MIPOL1: variants seen among roughly 807,000 people sequenced by gnomAD.
MIPOL1 encodes mirror-image polydactyly gene 1 protein.
MIPOL1 carries 57 observed loss-of-function variants against 60.9 expected under a neutral mutation model. That is an observed-to-expected ratio of 0.94 (90% CI 0.76 to 1.17). The LOEUF (loss-of-function observed/expected upper bound fraction) is 1.17, where lower values mean the gene tolerates loss of function less well. MIPOL1 is among the 50% of genes most tolerant of loss of function. MIPOL1 has a pLI of 0.00. For missense variants in MIPOL1, 551 were observed against 511.6 expected, an observed-to-expected ratio of 1.08 and a Z score of -0.74; for synonymous variants, 179 against 168.8, an observed-to-expected ratio of 1.06 and a Z score of -0.47.
At position 37,308,570 on chromosome 14, in the gene MIPOL1, T is replaced by A. The variant is rs775280593; in HGVS notation, c.828+51T>A. 1.0e-5 allele frequency: 14 copies of A among 1,344,114 alleles called. No individual in the cohort carries two copies. The East Asian group carries it at 2.6e-4, about 25-fold the overall frequency. 83.3% of individuals were successfully genotyped at this position (1,344,114 alleles called of 1,614,324 possible). A position where few individuals can be genotyped will look rare whatever the true frequency, so the allele number is the denominator to read the frequency against. On this transcript the variant is annotated intron_variant, in intron 9 of 12. Coordinates refer to ENST00000684589, the MANE Select transcript of MIPOL1 (RefSeq NM_001388067.1). ...CATATACTTACCATTTTCCTCTCTA[T>A]TTTTTTAACCATTAAAAACTGACTT...
At chr14:37,416,566 A>G (rs767736878) in intron 10 of MIPOL1, among the ~76,000 whole-genome samples, 1 of 152,338 alleles carries the variant, frequency 6.6e-6, no homozygotes, top group Middle Eastern at 3.4e-3. Flanking sequence ...CAGTAAAAAT[A>G]TAGGTGTTGT....
At chr14:37,313,992 A>G (rs1317397670) in intron 9 of MIPOL1, among the ~76,000 whole-genome samples, 1 of 152,134 alleles carries the variant, frequency 6.6e-6, no homozygotes, top group African/African-American at 2.4e-5. Flanking sequence ...CAAATCAGTG[A>G]TCTTACATTT....
chr14:37,285,507 G>A (rs1594903751), intron 7 of MIPOL1, 60 bp downstream of exon 7: 4 of 1,532,180 alleles, frequency 2.6e-6, no homozygotes, highest in Non-Finnish European at 3.6e-6. Context: ...GCATGCTTTA[G>A]GTGGTAGTTA....
intron 9 of MIPOL1, among the ~76,000 whole-genome samples, chr14:37,369,059 A>G (rs891490615): frequency 9.2e-5 from 14 of 152,102 alleles, no homozygotes; most frequent in African/African-American, 3.4e-4. Flanking sequence ...AGATATTTCT[A>G]AAATCTAGAA....
intron 11 of MIPOL1, among the ~76,000 whole-genome samples, chr14:37,489,951 G>T (rs1168638275): frequency 1.3e-5 from 2 of 152,186 alleles, no homozygotes; most frequent in African/African-American, 4.8e-5. Flanking sequence ...TGAGGAGGCA[G>T]TCTGACCCTT....
At chr14:37,267,428 C>T (rs1020970716) in intron 4 of MIPOL1, among the ~76,000 whole-genome samples, 2 of 151,658 alleles carry the variant, frequency 1.3e-5, no homozygotes, top group Admixed American at 6.6e-5. Flanking sequence ...GCGGAGGTTG[C>T]AGTGAGCTGA....
chr14:37,292,878 A>G (rs750447124), intron 7 of MIPOL1, among the ~76,000 whole-genome samples: 1 of 152,070 alleles, frequency 6.6e-6, no homozygotes, highest in African/African-American at 2.4e-5. Flanking sequence ...CCCTAGGGCA[A>G]TGGGATGGGA....
At chr14:37,381,383 G>A (rs889864837) in intron 10 of MIPOL1, among the ~76,000 whole-genome samples, 9 of 151,924 alleles carry the variant, frequency 5.9e-5, no homozygotes, top group Admixed American at 4.6e-4. Flanking sequence ...TATTACAATG[G>A]CCAAAAGGGT....
At chr14:37,496,059 T>G (rs1191537088) in intron 11 of MIPOL1, among the ~76,000 whole-genome samples, 1 of 152,002 alleles carries the variant, frequency 6.6e-6, no homozygotes, top group East Asian at 1.9e-4. Context: ...TTGTGAAAAT[T>G]TTATCCCATT....
intron 9 of MIPOL1, among the ~76,000 whole-genome samples, chr14:37,361,956 A>C (rs1235771672): frequency 2.0e-5 from 3 of 151,638 alleles, no homozygotes; most frequent in African/African-American, 7.3e-5. Flanking sequence ...TTTGCTTTCC[A>C]TTTGCTTGGT....
At chr14:37,350,949 G>A (rs1168576934) in intron 9 of MIPOL1, among the ~76,000 whole-genome samples, 1 of 151,820 alleles carries the variant, frequency 6.6e-6, no homozygotes, top group Non-Finnish European at 1.5e-5. Flanking sequence ...GGGTACATGT[G>A]CACATTGTGC....
chr14:37,512,334 T>G (rs1260683439), intron 12 of MIPOL1, among the ~76,000 whole-genome samples: 1 of 152,184 alleles, frequency 6.6e-6, no homozygotes, highest in Non-Finnish European at 1.5e-5. Context: ...GTCACCATAG[T>G]GTCACACAAG....
rs189499974 is a variant in MIPOL1, at chr14:37,274,355, C to T, written c.493+3830C>T. 1.7e-4 allele frequency among the ~76,000 whole-genome samples: 25 copies of T among 151,480 alleles called. No individual in the cohort carries two copies. In the East Asian group the frequency reaches 4.6e-3, roughly 28 times the overall value. On this transcript the variant is annotated intron_variant, in intron 6 of 12. Transcript: ENST00000684589. The stretch of plus-strand genomic sequence containing the variant: ...GCTCTGTCCCCTATCATGTTAAAAT[C>T]TCTGATGGTTGACTACCTTTCTTTT...
intron 10 of MIPOL1, among the ~76,000 whole-genome samples, chr14:37,386,411 G>A (rs1342305138): frequency 6.6e-6 from 1 of 151,918 alleles, no homozygotes; most frequent in Non-Finnish European, 1.5e-5. Context: ...GTTATGTCAA[G>A]CCTGGTTGAT....
In MIPOL1 at chr14:37,497,658, T is replaced by C. The variant is rs535096652; in HGVS notation, c.1032-2250T>C. ...GAGTTCAAGGTCAGCCTGGAAAACA[T>C]AGTGAGAACTTGTCTCAACCAATCA... On this transcript the variant is annotated intron_variant, in intron 11 of 12. Coordinates refer to ENST00000684589, the MANE Select transcript of MIPOL1 (RefSeq NM_001388067.1). Among the ~76,000 whole-genome samples the C allele has an allele frequency of 4.6e-5, 7 of 152,306 alleles. No homozygotes were observed. In the South Asian group the frequency reaches 6.2e-4, roughly 14 times the overall value.
chr14:37,344,446 T>C (rs1468263423), intron 9 of MIPOL1, among the ~76,000 whole-genome samples: 1 of 151,956 alleles, frequency 6.6e-6, no homozygotes, highest in Non-Finnish European at 1.5e-5. Context: ...TTTTTCCGAG[T>C]ATCCAAATAT....
intron 10 of MIPOL1, among the ~76,000 whole-genome samples, chr14:37,393,793 C>T (rs1178499412): frequency 3.3e-5 from 5 of 151,030 alleles, no homozygotes; most frequent in South Asian, 2.1e-4. Flanking sequence ...TTGGTGCACC[C>T]ATCACCTGAG....
At chr14:37,221,927 G>T (rs758384190) in intron 1 of MIPOL1, among the ~76,000 whole-genome samples, 1 of 150,938 alleles carries the variant, frequency 6.6e-6, no homozygotes, top group Non-Finnish European at 1.5e-5. Context: ...CCCAAAAGTT[G>T]TTCCAGCATA....
At chr14:37,442,496 G>T (rs988190374) in intron 11 of MIPOL1, among the ~76,000 whole-genome samples, 4 of 152,048 alleles carry the variant, frequency 2.6e-5, no homozygotes, top group Non-Finnish European at 5.9e-5. Flanking sequence ...GTATGATGTT[G>T]GCTGGGGTTT....
Sources: allele counts gnomAD v4.1 joint callset (sites outside exome capture counted in the v4.1 genomes callset), GRCh38; gene constraint gnomAD v4.1.1; transcripts MANE v1.5; gene names NCBI Gene and HGNC (gene_info 2026-07-23, HGNC 2026-07-21).